Variants in PCNX2 observed in about 807,000 individuals in gnomAD.
The protein encoded by PCNX2 is pecanex 2, also known as pecanex-like protein 2.
Under a neutral mutation model 223.8 loss-of-function variants are expected in PCNX2, and 168 were observed. The ratio of observed to expected loss-of-function variants is 0.75; its 90% CI spans 0.66 to 0.85. The LOEUF is 0.85. Among genes scored for constraint, PCNX2 ranks in the 40% least tolerant of loss-of-function variants. PCNX2 has a pLI of 0.00. For missense variants in PCNX2, 2,507 were observed against 2,675.5 expected (o/e 0.94, Z 1.39); for synonymous variants, 1,006 against 1,052.6 (o/e 0.96, Z 0.86).
At chr1:233,181,570 C>T (rs1048479723) in intron 15 of PCNX2, among the ~76,000 whole-genome samples, 1 of 152,134 alleles carries the variant, frequency 6.6e-6, no homozygotes, top group East Asian at 1.9e-4. Flanking sequence ...AGCTACTGTA[C>T]TCTTAGTCTG....
chr1:233,051,643 G>A (rs1254017232), intron 25 of PCNX2, among the ~76,000 whole-genome samples: 3 of 152,088 alleles, frequency 2.0e-5, no homozygotes, highest in African/African-American at 7.2e-5. Flanking sequence ...GGAGCTAAAC[G>A]TTTGGTACTA....
In PCNX2 at chr1:233,054,468, T is replaced by G. The variant is rs1375809946; in HGVS notation, c.4151A>C (p.Asn1384Thr). Residue 1384 changes from asparagine to threonine, a missense_variant, in exon 25 of 34, where the codon AAT becomes ACT. This residue lies in a region of PCNX2 where 1,372 missense variants were observed against 1,509.4 expected (regional missense o/e 0.91). Coordinates refer to ENST00000258229, the MANE Select transcript of PCNX2 (RefSeq NM_014801.4). ...IERDPGNDDN[N>T]LNSIFYEHLT... ...GTGTTCATAAAAAATGGAATTGAGA[T>G]TGTTGTCATCATTCCCTAAAGGCAG... 1 of 1,612,742 alleles carries G rather than the reference T, an allele frequency of 6.2e-7. No individual in the cohort carries two copies. The highest frequency in any genetic ancestry group is 1.3e-5 in the African/African-American group (1 of 74,882).
chr1:233,285,107 C>T (rs1219814128), intron 1 of PCNX2: 1 of 712,532 alleles, frequency 1.4e-6, no homozygotes, highest in Non-Finnish European at 1.7e-6. Context: ...AATCCCAACA[C>T]TTCGGGAGGC....
At chr1:233,238,103 C>T (rs2102965598) in intron 8 of PCNX2, among the ~76,000 whole-genome samples, 1 of 152,268 alleles carries the variant, frequency 6.6e-6, no homozygotes, top group South Asian at 2.1e-4. Context: ...CATTAAACCT[C>T]CGAATTCACC....
intron 33 of PCNX2, chr1:232,984,684 A>C (rs1291068309): frequency 7.5e-6 from 4 of 534,816 alleles, no homozygotes; most frequent in Non-Finnish European, 1.3e-5. Flanking sequence ...CATCTGAGAC[A>C]CAGGGGCTCT....
intron 17 of PCNX2, among the ~76,000 whole-genome samples, chr1:233,173,180 C>A (rs66806130): frequency 0.15 from 19,246 of 127,078 alleles, 1,333 homozygotes; most frequent in East Asian, 0.25. Flanking sequence ...TTTTTTTTTT[C>A]TCTTTTTAAA....
intron 25 of PCNX2, chr1:233,047,535 A>G: frequency 2.8e-6 from 1 of 353,010 alleles, no homozygotes; most frequent in South Asian, 1.2e-4. Context: ...GCTTTCATCA[A>G]AAAAGGAGCA....
chr1:233,013,187 T>A (rs1670526911), intron 28 of PCNX2, among the ~76,000 whole-genome samples: 1 of 152,194 alleles, frequency 6.6e-6, no homozygotes, highest in Non-Finnish European at 1.5e-5. Flanking sequence ...AACATGAGAC[T>A]TTAAGGGTCA....
chr1:233,045,150 C>A (rs1012104404), intron 25 of PCNX2, among the ~76,000 whole-genome samples: 2 of 152,156 alleles, frequency 1.3e-5, no homozygotes, highest in African/African-American at 2.4e-5. Flanking sequence ...TTCACCAAAG[C>A]CTTTTACTTT....
rs1256404930 is a variant in PCNX2, at chr1:232,998,280, AC to A, written c.5761del (p.Val1921CysfsTer26). 3 of 1,599,488 alleles carry A rather than the reference AC, an allele frequency of 1.9e-6. No homozygotes were observed. Among genetic ancestry groups the A allele is most frequent in the Non-Finnish European group, 2.6e-6 (3 of 1,172,984 alleles). The stretch of plus-strand genomic sequence containing the variant: ...TCTCTGTGTCCCTTCACAGGATGAC[AC>A]CCCGTGCTGAGCACCGCCTTTTCTG... Reference protein sequence around the residue: ...QPRKGGAQHGVSSCEGTQRTG... With the variant: ...QPRKGGAQHGXSSCEGTQRTG... On this transcript the variant is annotated frameshift_variant, in exon 32 of 34. Transcript: ENST00000258229. LOFTEE classifies it high-confidence loss of function.
intron 19 of PCNX2, among the ~76,000 whole-genome samples, chr1:233,152,557 A>C (rs1221271767): frequency 6.6e-6 from 1 of 152,234 alleles, no homozygotes; most frequent in Non-Finnish European, 1.5e-5. Context: ...TTTAACTAAC[A>C]CTAGATACAT....
At chr1:233,247,668 G>A (rs1009212783) in intron 8 of PCNX2, among the ~76,000 whole-genome samples, 2 of 152,008 alleles carry the variant, frequency 1.3e-5, no homozygotes, top group Non-Finnish European at 2.9e-5. Context: ...CACGAGGTCA[G>A]GAGTTTTGAG....
At chr1:233,039,904 A>G (rs1572037555) in intron 25 of PCNX2, among the ~76,000 whole-genome samples, 1 of 152,272 alleles carries the variant, frequency 6.6e-6, no homozygotes, top group South Asian at 2.1e-4. Flanking sequence ...TATTTTAAAT[A>G]AAAGAACAAA....
chr1:233,060,334 T>C (rs1449566432), intron 23 of PCNX2, among the ~76,000 whole-genome samples: 1 of 152,214 alleles, frequency 6.6e-6, no homozygotes, highest in Non-Finnish European at 1.5e-5. Context: ...AATAAACAAC[T>C]TTTAAAGGAG....
At chr1:233,081,945 C>G (rs545411606) in intron 23 of PCNX2, among the ~76,000 whole-genome samples, 3 of 152,086 alleles carry the variant, frequency 2.0e-5, no homozygotes, top group African/African-American at 4.8e-5. Context: ...TGGTGCCTTC[C>G]TTTTAAGGCT....
At position 233,294,029 on chromosome 1, in the gene PCNX2, T is replaced by C. The variant is rs552799093; in HGVS notation, c.153+1297A>G. 73 of 973,840 alleles carry C rather than the reference T, an allele frequency of 7.5e-5. No individual in the cohort carries two copies. The African/African-American group carries it at 1.2e-3, about 15-fold the overall frequency. The allele number at this position is 973,840 out of a possible 1,614,324, so 60.3% of individuals were successfully genotyped here. On this transcript the variant is annotated intron_variant, in intron 1 of 33. Coordinates refer to ENST00000258229, the MANE Select transcript of PCNX2 (RefSeq NM_014801.4). ...AGGGTTTCCAAGCAGTTTCTGTATT[T>C]AATGCTTTTTATATATAATTTTGGT...
intron 8 of PCNX2, chr1:233,250,498 C>G: frequency 1.1e-6 from 1 of 904,714 alleles, no homozygotes; most frequent in Non-Finnish European, 1.3e-6. Flanking sequence ...GAGTTCCTGT[C>G]TATTTATACT....
chr1:233,187,710 A>G (rs1369020603), intron 15 of PCNX2, among the ~76,000 whole-genome samples: 2 of 152,130 alleles, frequency 1.3e-5, no homozygotes, highest in Admixed American at 1.3e-4. Context: ...TTGAGGGTCA[A>G]TTCTACTTTT....
chr1:233,293,943 A>C (rs1265214699), intron 1 of PCNX2: 1 of 984,420 alleles, frequency 1.0e-6, no homozygotes, highest in Non-Finnish European at 1.2e-6. Flanking sequence ...GGCTAAGGAA[A>C]AATGGGTTAA....
Sources: allele counts gnomAD v4.1 joint callset (sites outside exome capture counted in the v4.1 genomes callset), GRCh38; gene constraint gnomAD v4.1.1; regional missense constraint gnomAD v4.1.1; transcripts MANE v1.5; gene names NCBI Gene and HGNC (gene_info 2026-07-23, HGNC 2026-07-21).